Variants in GPC3 observed in about 807,000 individuals in gnomAD.
GPC3 encodes the protein glypican-3.
In GPC3, 3 loss-of-function variants were observed where a neutral mutation model predicts 34.4. The ratio of observed to expected loss-of-function variants is 0.09; its 90% CI spans 0.04 to 0.23. GPC3 has a LOEUF of 0.23. Among genes scored for constraint, GPC3 ranks in the 10% least tolerant of loss-of-function variants. The probability of loss-of-function intolerance (pLI) is 1.00; values close to 1 mark genes in which losing one functional copy is unlikely to be tolerated. For missense variants in GPC3, 351 were observed against 445.6 expected (o/e 0.79, Z 1.91); for synonymous variants, 177 against 174.0 (o/e 1.02, Z -0.13).
intron 6 of GPC3, among the ~76,000 whole-genome samples, chrX:133,647,773 G>A (rs2070559060): frequency 9.0e-6 from 1 of 111,389 alleles, no homozygotes; most frequent in Non-Finnish European, 1.9e-5. Context: ...TCACAGTTTT[G>A]GTAATTTTTG....
At chrX:133,950,556 T>C (rs952586672) in intron 2 of GPC3, among the ~76,000 whole-genome samples, 1 of 112,157 alleles carries the variant, frequency 8.9e-6, no homozygotes, top group Non-Finnish European at 1.9e-5. Flanking sequence ...AAATTTCACA[T>C]GAGTGAAGTA....
chrX:133,657,898 CAGAGAGAG>C (rs749162174), intron 6 of GPC3, among the ~76,000 whole-genome samples: 60 of 85,538 alleles, frequency 7.0e-4, no homozygotes, highest in African/African-American at 1.9e-3. Flanking sequence ...GGCATACATG[CAGAGAGAG>C]AGAGAGAGAG....
intron 2 of GPC3, among the ~76,000 whole-genome samples, chrX:133,897,242 G>A (rs113911626): frequency 5.3e-5 from 5 of 94,364 alleles, no homozygotes; most frequent in Non-Finnish European, 1.0e-4. Flanking sequence ...TAGAGACAGG[G>A]TCTCACTATG....
At chrX:133,905,890 C>T (rs183156809) in intron 2 of GPC3, among the ~76,000 whole-genome samples, 1 of 111,683 alleles carries the variant, frequency 9.0e-6, no homozygotes, top group Non-Finnish European at 1.9e-5. Flanking sequence ...TAAATTCATC[C>T]TCTTAATAGT....
intron 3 of GPC3, among the ~76,000 whole-genome samples, chrX:133,733,676 A>C (rs1027734642): frequency 9.0e-6 from 1 of 111,270 alleles, no homozygotes; most frequent in African/African-American, 3.3e-5. Context: ...GAAAATACTC[A>C]AATTACTATA....
At chrX:133,704,267 C>G in intron 3 of GPC3, 1 of 1,047,521 alleles carries the variant, frequency 9.5e-7, no homozygotes, top group Non-Finnish European at 1.3e-6. Context: ...ATTTTCTTCT[C>G]AGTTTCCTTG....
intron 5 of GPC3, among the ~76,000 whole-genome samples, chrX:133,681,082 G>A (rs1279053146): frequency 8.9e-6 from 1 of 111,885 alleles, no homozygotes; most frequent in Non-Finnish European, 1.9e-5. Context: ...CTATCTCCCA[G>A]TAAAGATCTT....
intron 5 of GPC3, among the ~76,000 whole-genome samples, chrX:133,673,177 A>G (rs2070849775): frequency 9.0e-6 from 1 of 110,895 alleles, no homozygotes; most frequent in Admixed American, 9.5e-5. Flanking sequence ...CGACCTCGTG[A>G]TCCACCTGCC....
At chrX:133,974,276 T>C (rs547131220) in intron 1 of GPC3, among the ~76,000 whole-genome samples, 2 of 112,090 alleles carry the variant, frequency 1.8e-5, no homozygotes, top group African/African-American at 6.5e-5. Context: ...TCTTGAACTC[T>C]TGGGCTCAAT....
At chrX:133,568,591 T>C (rs1163417182) in intron 7 of GPC3, among the ~76,000 whole-genome samples, 1 of 111,473 alleles carries the variant, frequency 9.0e-6, no homozygotes, top group African/African-American at 3.3e-5. Context: ...CTCAACAAGG[T>C]ACAGAGAAAG....
At chrX:133,869,302 T>C (rs775840490) in intron 2 of GPC3, among the ~76,000 whole-genome samples, 1 of 112,221 alleles carries the variant, frequency 8.9e-6, no homozygotes, top group Admixed American at 9.4e-5. Flanking sequence ...ATCAGATACA[T>C]GGCGCCTAGG....
At chrX:133,896,116 T>C (rs1480004148) in intron 2 of GPC3, among the ~76,000 whole-genome samples, 6 of 111,238 alleles carry the variant, frequency 5.4e-5, no homozygotes, top group African/African-American at 2.0e-4. Flanking sequence ...AATCCCAGCA[T>C]TTTGGGAGGC....
chrX:133,706,507 C>CA (rs145311070), intron 3 of GPC3, among the ~76,000 whole-genome samples: 4,883 of 110,947 alleles, frequency 0.044, 186 homozygotes, highest in East Asian at 0.29. Context: ...AATCAACAAG[C>CA]AAAAAACAAA....
intron 5 of GPC3, among the ~76,000 whole-genome samples, chrX:133,682,762 T>C (rs2070957939): frequency 9.0e-6 from 1 of 110,514 alleles, no homozygotes; most frequent in Non-Finnish European, 1.9e-5. Context: ...AGGTCAGGAG[T>C]TCGAGACCAG....
At chrX:133,776,936 G>A (rs1441493645) in intron 2 of GPC3, among the ~76,000 whole-genome samples, 2 of 95,683 alleles carry the variant, frequency 2.1e-5, no homozygotes, top group Non-Finnish European at 4.1e-5. Context: ...CTGGAGTGCA[G>A]TGGCGCGATC....
intron 3 of GPC3, among the ~76,000 whole-genome samples, chrX:133,748,446 TA>T (rs1294230362): frequency 8.9e-6 from 1 of 111,890 alleles, no homozygotes; most frequent in East Asian, 2.8e-4. Flanking sequence ...CCAAGATATT[TA>T]TCCTAGTTTG....
chrX:133,638,122 T>C (rs1011339060), intron 6 of GPC3, among the ~76,000 whole-genome samples: 4 of 111,630 alleles, frequency 3.6e-5, no homozygotes, highest in African/African-American at 1.3e-4. Context: ...AATCTATGTA[T>C]GGGTCAGAAA....
At chrX:133,558,570 C>A (rs1220085616) in intron 7 of GPC3, among the ~76,000 whole-genome samples, 1 of 110,860 alleles carries the variant, frequency 9.0e-6, no homozygotes, top group Non-Finnish European at 1.9e-5. Flanking sequence ...GTCGCCATTA[C>A]CTGAGGCCTG....
intron 1 of GPC3, among the ~76,000 whole-genome samples, chrX:133,959,820 T>C (rs1166178489): frequency 8.9e-6 from 1 of 112,120 alleles, no homozygotes; most frequent in African/African-American, 3.2e-5. Context: ...TGGTATACGG[T>C]TACGTGACAA....
Sources: allele counts gnomAD v4.1 joint callset (sites outside exome capture counted in the v4.1 genomes callset), GRCh38; gene constraint gnomAD v4.1.1; transcripts MANE v1.5; gene names NCBI Gene and HGNC (gene_info 2026-07-23, HGNC 2026-07-21).